The following ZDHHC24 variants were observed in gnomAD, a reference collection of about 807,000 sequenced individuals.
ZDHHC24 encodes zDHHC palmitoyltransferase 24.
A neutral mutation model predicts 23.2 loss-of-function variants in ZDHHC24; 17 were observed. The observed-to-expected ratio is 0.73, with a 90% CI of 0.50 to 1.10. ZDHHC24 has a LOEUF of 1.10. Ranked by LOEUF, ZDHHC24 falls within the 50% of genes least tolerant of loss-of-function variation. ZDHHC24 has a pLI of 0.00. For missense variants in ZDHHC24, 366 were observed against 393.0 expected (o/e 0.93, Z 0.58); for synonymous variants, 186 against 194.5 (o/e 0.96, Z 0.36).
Position 66,539,629 on chromosome 11 carries a change from C to G in ZDHHC24, c.755G>C (p.Arg252Pro), listed in dbSNP as rs534708210. The G allele has an allele frequency of 4.2e-5, 67 of 1,612,302 alleles. No individual in the cohort carries two copies. Among genetic ancestry groups the G allele is most frequent in the Non-Finnish European group, 5.4e-5 (64 of 1,179,556 alleles). Residue 252 changes from arginine (R) to proline (P), a missense_variant, in exon 3 of 3, where the codon CGC becomes CCC. Transcript: ENST00000310442. ...GGGCCAGAGCCAGACGAGGGCCCAG[C>G]GGGGCCCCAGGGCTGCCTGCAGGTT... Reference protein sequence around the residue: ...CHNLQAALGPRWALVWLWPFL... With the variant: ...CHNLQAALGPPWALVWLWPFL...
At chr11:66,525,563 CAAAA>C (rs879584801) in intron 4 of ZDHHC24, among the ~76,000 whole-genome samples, 4 of 150,900 alleles carry the variant, frequency 2.7e-5, no homozygotes, top group African/African-American at 7.3e-5. Flanking sequence ...GACTCCATCT[CAAAA>C]AAAAAGTATG....
At chr11:66,527,055 C>T in intron 3 of ZDHHC24, 2 of 1,525,562 alleles carry the variant, frequency 1.3e-6, no homozygotes, top group Non-Finnish European at 1.8e-6. Context: ...GGAGCAGTCA[C>T]TTCCAAACGC....
chr11:66,534,494 GA>G (rs761892826), downstream of ZDHHC24, among the ~76,000 whole-genome samples: 3,055 of 53,240 alleles, frequency 0.057, 79 homozygotes, highest in African/African-American at 0.14. Flanking sequence ...CAAAAGAAAA[GA>G]AAAAAAAAAA....
intron 2 of ZDHHC24, among the ~76,000 whole-genome samples, chr11:66,541,046 C>G (rs1283823993): frequency 2.0e-5 from 3 of 152,144 alleles, no homozygotes; most frequent in Non-Finnish European, 4.4e-5. Context: ...TGGAATTAGA[C>G]AGTGGTGATG....
In ZDHHC24 at chr11:66,538,156, G is replaced by C. The variant is rs1590790474; in HGVS notation, c.*1373C>G. 1 of 152,062 alleles carries C rather than the reference G, an allele frequency of 6.6e-6. No homozygotes were observed. Among genetic ancestry groups the C allele is most frequent in the Middle Eastern group, 3.4e-3 (1 of 292 alleles). 9.4% of individuals were successfully genotyped at this position (152,062 alleles called of 1,614,324 possible). ...CTCACACCTGTAATTCCAGCACTTC[G>C]GGAGGCCAAGGCGGGCGGATCACAA... On this transcript the variant is annotated 3_prime_UTR_variant, in exon 3 of 3. Transcript: ENST00000310442.
Position 66,539,358 on chromosome 11 carries a change from C to T in ZDHHC24, c.*171G>A, listed in dbSNP as rs567638863. The T allele has an allele frequency of 6.1e-5, 81 of 1,336,716 alleles. No homozygotes were observed. Among genetic ancestry groups the T allele is most frequent in the African/African-American group, 4.7e-4 (31 of 66,494 alleles). 82.8% of individuals were successfully genotyped at this position (1,336,716 alleles called of 1,614,324 possible). On this transcript the variant is annotated 3_prime_UTR_variant, in exon 3 of 3. Coordinates refer to ENST00000310442, the MANE Select transcript of ZDHHC24 (RefSeq NM_207340.3). Reference sequence around the variant, plus strand: ...CCTCTGCACTCCTCTGCCTAAGTCACGGCCCAAGCCCTGGACACGTAGGAG... The same window carrying T: ...CCTCTGCACTCCTCTGCCTAAGTCATGGCCCAAGCCCTGGACACGTAGGAG...
chr11:66,540,745 C>T (rs1469442437), intron 2 of ZDHHC24, among the ~76,000 whole-genome samples: 2 of 151,690 alleles, frequency 1.3e-5, no homozygotes, highest in Non-Finnish European at 1.5e-5. Flanking sequence ...TTCTCAGTTA[C>T]TTAATGTGTG....
At chr11:66,521,054 C>T, downstream of ZDHHC24, 1 of 596,730 alleles carries the variant, frequency 1.7e-6, no homozygotes, top group Non-Finnish European at 3.0e-6. Context: ...GGATGCAGTC[C>T]TAGAAGTGGC....
At chr11:66,529,762 G>C in intron 2 of ZDHHC24, 2 of 1,601,788 alleles carry the variant, frequency 1.2e-6, no homozygotes, top group Non-Finnish European at 1.7e-6. Flanking sequence ...CCCCGTTGCT[G>C]CCTCCTCCCT....
At chr11:66,523,656 C>T (rs1000438556) in intron 4 of ZDHHC24, 52 of 1,610,858 alleles carry the variant, frequency 3.2e-5, no homozygotes, top group Middle Eastern at 3.3e-4. Context: ...CTGGCTTCCC[C>T]ACCCCAGAAA....
At chr11:66,529,314 T>C (rs981050036) in exon 3 of ZDHHC24, 126 of 1,536,102 alleles carry the variant, frequency 8.2e-5, no homozygotes, top group Admixed American at 9.8e-5. Flanking sequence ...GGCAGGACCA[T>C]GAGGCTGGTT....
chr11:66,531,349 G>T (rs558274307), downstream of ZDHHC24, among the ~76,000 whole-genome samples: 2 of 152,330 alleles, frequency 1.3e-5, no homozygotes, highest in African/African-American at 4.8e-5. Context: ...AGTGTGAAGG[G>T]CCTGGTTTTC....
chr11:66,532,244 C>T, downstream of ZDHHC24: 2 of 599,000 alleles, frequency 3.3e-6, no homozygotes, highest in South Asian at 4.0e-5. Flanking sequence ...CCTCCCACAG[C>T]ACCAACCCAG....
intron 3 of ZDHHC24, chr11:66,527,068 G>A: frequency 6.6e-7 from 1 of 1,507,412 alleles, no homozygotes; most frequent in East Asian, 2.5e-5. Context: ...CCAAACGCAG[G>A]AATTCTCATG....
downstream of ZDHHC24, among the ~76,000 whole-genome samples, chr11:66,534,316 G>A (rs993233839): frequency 2.0e-5 from 3 of 150,260 alleles, no homozygotes; most frequent in African/African-American, 7.4e-5. Context: ...GGTGGCAGGC[G>A]CGTGTAATCC....
intron 2 of ZDHHC24, among the ~76,000 whole-genome samples, chr11:66,542,080 C>T (rs1857167890): frequency 6.6e-6 from 1 of 151,838 alleles, no homozygotes; most frequent in Admixed American, 6.6e-5. Flanking sequence ...CAGCTGGGCT[C>T]GGGGAGTTGA....
chr11:66,523,942 G>A, intron 4 of ZDHHC24: 2 of 1,602,494 alleles, frequency 1.2e-6, no homozygotes, highest in Non-Finnish European at 1.7e-6. Context: ...CACCTCTGGG[G>A]CTTCTTAGCT....
intron 4 of ZDHHC24, chr11:66,526,296 G>A: frequency 1.6e-6 from 2 of 1,220,730 alleles, no homozygotes; most frequent in Non-Finnish European, 1.2e-6. Flanking sequence ...GGGTGGACCT[G>A]GGTGTGGAAA....
At chr11:66,526,827 C>T in intron 4 of ZDHHC24, 2 of 1,614,210 alleles carry the variant, frequency 1.2e-6, no homozygotes, top group Non-Finnish European at 1.7e-6. Flanking sequence ...AGACTGGGTC[C>T]TTTCCCTTCT....
Sources: allele counts gnomAD v4.1 joint callset (sites outside exome capture counted in the v4.1 genomes callset), GRCh38; gene constraint gnomAD v4.1.1; transcripts MANE v1.5; gene names NCBI Gene and HGNC (gene_info 2026-07-23, HGNC 2026-07-21).